The following SDK1 variants were observed in gnomAD, a reference collection of about 807,000 sequenced individuals.
SDK1 encodes the protein sidekick cell adhesion molecule 1.
SDK1 carries 157 observed loss-of-function variants against 245.5 expected under a neutral mutation model. The observed-to-expected ratio is 0.64, with a 90% CI of 0.56 to 0.73. The LOEUF is 0.73. SDK1 is among the 30% of genes least tolerant of loss of function. SDK1 has a pLI of 0.00. For synonymous variants in SDK1, 1,647 were observed against 1,278.5 expected, an observed-to-expected ratio of 1.29 and a Z score of -6.15; for missense variants, 3,583 against 3,002.3, an observed-to-expected ratio of 1.19 and a Z score of -4.52.
At chr7:3,830,235 G>A (rs920987389) in intron 5 of SDK1, among the ~76,000 whole-genome samples, 1 of 152,026 alleles carries the variant, frequency 6.6e-6, no homozygotes, top group Non-Finnish European at 1.5e-5. Flanking sequence ...TTCAGCAGAC[G>A]GACGATGAGT....
At chr7:4,066,513 C>A (rs1369447625) in intron 19 of SDK1, among the ~76,000 whole-genome samples, 1 of 152,218 alleles carries the variant, frequency 6.6e-6, no homozygotes. Flanking sequence ...CCTTGCACAG[C>A]AGCTATGGCT....
intron 5 of SDK1, among the ~76,000 whole-genome samples, chr7:3,853,878 A>C (rs1169964906): frequency 1.3e-5 from 2 of 151,978 alleles, no homozygotes; most frequent in African/African-American, 4.8e-5. Flanking sequence ...AGTCCCAGCT[A>C]CTCGAGAAGC....
intron 1 of SDK1, among the ~76,000 whole-genome samples, chr7:3,495,572 C>G (rs1781999413): frequency 6.6e-6 from 1 of 152,170 alleles, no homozygotes; most frequent in African/African-American, 2.4e-5. Flanking sequence ...AAACTTGGCT[C>G]TGATGCTGTC....
chr7:3,872,371 G>A (rs1780978630), intron 5 of SDK1, among the ~76,000 whole-genome samples: 1 of 152,158 alleles, frequency 6.6e-6, no homozygotes, highest in East Asian at 1.9e-4. Context: ...GAGTTGTTAT[G>A]TTCGGAAGAT....
At chr7:3,740,144 C>T (rs961600915) in intron 4 of SDK1, among the ~76,000 whole-genome samples, 5 of 152,128 alleles carry the variant, frequency 3.3e-5, no homozygotes, top group Non-Finnish European at 7.4e-5. Flanking sequence ...AGGCAGTTTA[C>T]AACCCTCCAC....
intron 1 of SDK1, among the ~76,000 whole-genome samples, chr7:3,340,293 A>G (rs940188090): frequency 6.6e-6 from 1 of 152,174 alleles, no homozygotes; most frequent in Admixed American, 6.5e-5. Context: ...GTGTATATAT[A>G]TAAAAGTTAC....
intron 1 of SDK1, among the ~76,000 whole-genome samples, chr7:3,388,589 T>C (rs775519894): frequency 6.6e-5 from 10 of 151,234 alleles, no homozygotes; most frequent in Non-Finnish European, 8.8e-5. Flanking sequence ...TTTGATGATA[T>C]AATACTCACC....
In SDK1 at chr7:3,858,007, C is replaced by T. The variant is rs1295485824; in HGVS notation, c.847+36424C>T. Among the ~76,000 whole-genome samples the T allele has an allele frequency of 2.6e-5, 4 of 152,232 alleles. No homozygotes were observed. In the East Asian group the frequency reaches 7.7e-4, roughly 29 times the overall value. On this transcript the variant is annotated intron_variant, in intron 5 of 44. Coordinates refer to ENST00000404826, the MANE Select transcript of SDK1 (RefSeq NM_152744.4). ...AGACTCAATTATGTAAAGTTGTCAC[C>T]TCTCCCCAAATCTATAAATTCGGTA...
intron 20 of SDK1, among the ~76,000 whole-genome samples, chr7:4,073,927 G>T (rs1238227814): frequency 6.6e-6 from 1 of 152,106 alleles, no homozygotes; most frequent in East Asian, 1.9e-4. Flanking sequence ...TAGTGCTCAG[G>T]CCCCTCTCCC....
chr7:3,619,663 GT>G (rs1781873654), intron 2 of SDK1, among the ~76,000 whole-genome samples: 1 of 152,196 alleles, frequency 6.6e-6, no homozygotes, highest in African/African-American at 2.4e-5. Context: ...TTTCCTAGCT[GT>G]TTTCAAGTGG....
intron 1 of SDK1, among the ~76,000 whole-genome samples, chr7:3,512,806 T>A (rs1418918647): frequency 6.6e-6 from 1 of 152,222 alleles, no homozygotes; most frequent in East Asian, 1.9e-4. Flanking sequence ...AAATATTCCA[T>A]CTGTTTTTTT....
At chr7:3,847,627 C>T (rs1007493751) in intron 5 of SDK1, among the ~76,000 whole-genome samples, 2 of 152,226 alleles carry the variant, frequency 1.3e-5, no homozygotes, top group African/African-American at 4.8e-5. Context: ...GATTAATGCT[C>T]TCAGATGTTT....
intron 5 of SDK1, among the ~76,000 whole-genome samples, chr7:3,903,693 A>C (rs886567529): frequency 6.6e-6 from 1 of 152,154 alleles, no homozygotes; most frequent in African/African-American, 2.4e-5. Flanking sequence ...AGCACTCATG[A>C]AATACTGCTA....
Position 3,959,909 on chromosome 7 carries a change from G to C in SDK1, c.1234+895G>C, listed in dbSNP as rs531111191. On this transcript the variant is annotated intron_variant, in intron 8 of 44. Transcript: ENST00000404826. ...GCCCACTGTCACCGTCTCATGTCGG[G>C]CAGCACAGGTGATTACACAAAACCT... Among the ~76,000 whole-genome samples the C allele has an allele frequency of 2.6e-5, 4 of 152,128 alleles. No individual in the cohort carries two copies. The South Asian group carries it at 6.2e-4, about 24-fold the overall frequency.
At chr7:3,324,647 C>T (rs1334536538) in intron 1 of SDK1, among the ~76,000 whole-genome samples, 1 of 152,128 alleles carries the variant, frequency 6.6e-6, no homozygotes, top group African/African-American at 2.4e-5. Flanking sequence ...ATGGGTTTTG[C>T]ACTCAAAGCA....
At chr7:3,387,688 A>C (rs1471263363) in intron 1 of SDK1, among the ~76,000 whole-genome samples, 7 of 152,222 alleles carry the variant, frequency 4.6e-5, no homozygotes, top group African/African-American at 1.7e-4. Context: ...ATGTAGTATC[A>C]CTGAACTGTA....
intron 1 of SDK1, among the ~76,000 whole-genome samples, chr7:3,330,890 T>G (rs4380820): frequency 1.3e-5 from 2 of 150,498 alleles, no homozygotes; most frequent in Non-Finnish European, 2.9e-5. Flanking sequence ...GAGGATTGCT[T>G]GAGTCCAGGA....
At chr7:3,953,277 A>G (rs928482579) in intron 7 of SDK1, among the ~76,000 whole-genome samples, 2 of 152,222 alleles carry the variant, frequency 1.3e-5, no homozygotes, top group African/African-American at 4.8e-5. Context: ...TCATTAGGAA[A>G]TGACTCCATG....
chr7:3,637,041 T>C (rs1404505191), intron 2 of SDK1, among the ~76,000 whole-genome samples: 1 of 150,906 alleles, frequency 6.6e-6, no homozygotes, highest in East Asian at 1.9e-4. Flanking sequence ...TTTAAGCTTT[T>C]TTTTCCTGAT....
Sources: gnomAD v4.1 joint callset for allele counts (sites outside exome capture counted in the v4.1 genomes callset) on GRCh38, gnomAD v4.1.1 for gene constraint, MANE v1.5 for transcripts, NCBI Gene and HGNC (gene_info 2026-07-23, HGNC 2026-07-21) for gene names.